CCSER1: variants seen among roughly 807,000 people sequenced by gnomAD.
CCSER1 encodes coiled-coil serine rich protein 1.
Under a neutral mutation model 82.0 loss-of-function variants are expected in CCSER1, and 41 were observed. The ratio of observed to expected loss-of-function variants is 0.50; its 90% CI spans 0.39 to 0.65. The LOEUF is 0.65. Among genes scored for constraint, CCSER1 ranks in the 30% least tolerant of loss-of-function variants. The probability of loss-of-function intolerance (pLI) is 0.00; values close to 1 mark genes in which losing one functional copy is unlikely to be tolerated. For missense variants in CCSER1, 1,119 were observed against 1,064.2 expected, an observed-to-expected ratio of 1.05 and a Z score of -0.72; for synonymous variants, 414 against 383.9, an observed-to-expected ratio of 1.08 and a Z score of -0.92.
In CCSER1 at chr4:90,533,260, T is replaced by A. The variant is rs114852286; in HGVS notation, c.1724+64906T>A. Among the ~76,000 whole-genome samples, 43 of 150,024 alleles carry A rather than the reference T, an allele frequency of 2.9e-4. No homozygotes were observed. In the East Asian group the frequency reaches 3.1e-3, roughly 11 times the overall value. On this transcript the variant is annotated intron_variant, in intron 5 of 10. Transcript: ENST00000509176. ...GCGCCTGCCACCACGCCTGGCAACT[T>A]TTTTTTTTGTATTTTTAGTAGAGAC...
At chr4:90,875,006 A>G (rs2150046955) in intron 8 of CCSER1, among the ~76,000 whole-genome samples, 1 of 152,206 alleles carries the variant, frequency 6.6e-6, no homozygotes, top group Non-Finnish European at 1.5e-5. Flanking sequence ...AGATTGCACC[A>G]TTGCACACCA....
intron 7 of CCSER1, among the ~76,000 whole-genome samples, chr4:90,735,102 T>C (rs566380184): frequency 2.0e-5 from 3 of 152,280 alleles, no homozygotes; most frequent in African/African-American, 7.2e-5. Flanking sequence ...TGCCCTTCAT[T>C]CTGTTGACAT....
intron 10 of CCSER1, among the ~76,000 whole-genome samples, chr4:91,498,563 T>G (rs2110088289): frequency 6.6e-6 from 1 of 151,956 alleles, no homozygotes; most frequent in Non-Finnish European, 1.5e-5. Flanking sequence ...ATTATGTTCT[T>G]AATTTTCCTG....
intron 9 of CCSER1, among the ~76,000 whole-genome samples, chr4:91,071,234 G>A (rs965925304): frequency 6.6e-6 from 1 of 152,088 alleles, no homozygotes; most frequent in African/African-American, 2.4e-5. Flanking sequence ...CTGTCTTTGA[G>A]GTACTTTTAT....
At chr4:90,992,293 G>A (rs1402641994) in intron 9 of CCSER1, among the ~76,000 whole-genome samples, 2 of 151,970 alleles carry the variant, frequency 1.3e-5, no homozygotes, top group Non-Finnish European at 2.9e-5. Context: ...CATCGAGTGG[G>A]AATTCTATTA....
chr4:90,701,242 TC>T (rs1738050998), intron 6 of CCSER1, among the ~76,000 whole-genome samples: 1 of 152,212 alleles, frequency 6.6e-6, no homozygotes, highest in Non-Finnish European at 1.5e-5. Flanking sequence ...AAACAGGGAA[TC>T]CTTTCCCCAT....
Position 91,089,300 on chromosome 4 carries a change from C to T in CCSER1, c.2217+3306C>T, listed in dbSNP as rs185005433. 3.5e-3 allele frequency among the ~76,000 whole-genome samples: 531 copies of T among 152,280 alleles called. 3 individuals carry two copies. Among genetic ancestry groups the T allele is most frequent in the Non-Finnish European group, 5.4e-3 (364 of 68,022 alleles). On this transcript the variant is annotated intron_variant, in intron 10 of 10. Transcript: ENST00000509176. Reference sequence around the variant, plus strand: ...AATGTCTGGAATCTGTGGATAATATCGGTTGCTAGGTCATGGGTTGAATTT... The same window carrying T: ...AATGTCTGGAATCTGTGGATAATATTGGTTGCTAGGTCATGGGTTGAATTT...
intron 8 of CCSER1, among the ~76,000 whole-genome samples, chr4:90,850,049 C>T (rs1020154079): frequency 6.6e-6 from 1 of 152,168 alleles, no homozygotes; most frequent in African/African-American, 2.4e-5. Flanking sequence ...CCAGCTGCCT[C>T]AGCTCTAGCC....
At chr4:90,229,675 C>A (rs1744036003) in intron 1 of CCSER1, among the ~76,000 whole-genome samples, 1 of 152,048 alleles carries the variant, frequency 6.6e-6, no homozygotes, top group Admixed American at 6.6e-5. Flanking sequence ...CACAGACTGG[C>A]AAATTGGATA....
At chr4:90,719,326 T>C (rs1742268388) in intron 6 of CCSER1, among the ~76,000 whole-genome samples, 1 of 152,104 alleles carries the variant, frequency 6.6e-6, no homozygotes, top group Non-Finnish European at 1.5e-5. Flanking sequence ...ATGGGACATC[T>C]AGTTGCAGGA....
chr4:90,719,938 A>T (rs1344201959), intron 6 of CCSER1, among the ~76,000 whole-genome samples: 1 of 152,176 alleles, frequency 6.6e-6, no homozygotes, highest in Non-Finnish European at 1.5e-5. Context: ...ATTCTTCTGA[A>T]AAAGGATTTG....
intron 1 of CCSER1, among the ~76,000 whole-genome samples, chr4:90,217,015 A>G (rs1376064140): frequency 1.3e-5 from 2 of 152,056 alleles, no homozygotes; most frequent in Non-Finnish European, 2.9e-5. Flanking sequence ...GGTTAGATTT[A>G]TTCCTAGGTA....
At chr4:90,566,829 C>T (rs1479780506) in intron 5 of CCSER1, among the ~76,000 whole-genome samples, 3 of 151,900 alleles carry the variant, frequency 2.0e-5, no homozygotes, top group East Asian at 1.9e-4. Context: ...TTCTCAATCT[C>T]CTGACCTCGT....
chr4:91,588,822 C>T (rs144655834), intron 10 of CCSER1, among the ~76,000 whole-genome samples: 1 of 151,862 alleles, frequency 6.6e-6, no homozygotes, highest in East Asian at 1.9e-4. Flanking sequence ...TGAAGGAAAA[C>T]ATAACTTATG....
intron 9 of CCSER1, among the ~76,000 whole-genome samples, chr4:90,954,871 C>A (rs1733272813): frequency 6.6e-6 from 1 of 152,138 alleles, no homozygotes; most frequent in South Asian, 2.1e-4. Context: ...TACATACCCA[C>A]TTAGCTATTG....
intron 10 of CCSER1, among the ~76,000 whole-genome samples, chr4:91,475,656 G>A (rs943496766): frequency 1.3e-5 from 2 of 151,710 alleles, no homozygotes; most frequent in African/African-American, 4.8e-5. Context: ...GATTTGTGTG[G>A]GGAACATTAC....
At chr4:91,533,404 A>C (rs1363960235) in intron 10 of CCSER1, among the ~76,000 whole-genome samples, 1 of 152,192 alleles carries the variant, frequency 6.6e-6, no homozygotes, top group Non-Finnish European at 1.5e-5. Context: ...AATGTGTTTT[A>C]TCCAACCTCC....
At chr4:90,457,186 G>T (rs1173984075) in intron 4 of CCSER1, among the ~76,000 whole-genome samples, 5 of 152,154 alleles carry the variant, frequency 3.3e-5, no homozygotes, top group Admixed American at 3.3e-4. Flanking sequence ...GGCTTCCACT[G>T]CAGGCACCAG....
chr4:91,189,237 AATGTTT>A (rs1470415023), intron 10 of CCSER1, among the ~76,000 whole-genome samples: 1 of 152,080 alleles, frequency 6.6e-6, no homozygotes, highest in East Asian at 1.9e-4. Context: ...ATCATCAAAA[AATGTTT>A]ATGTTTATAA....
Sources: gnomAD v4.1 joint callset for allele counts (sites outside exome capture counted in the v4.1 genomes callset) on GRCh38, gnomAD v4.1.1 for gene constraint, MANE v1.5 for transcripts, NCBI Gene and HGNC (gene_info 2026-07-23, HGNC 2026-07-21) for gene names.